Variants in FBXO4 observed in about 807,000 individuals in gnomAD.
FBXO4 encodes F-box protein 4, also known as F-box only protein 4.
Under a neutral mutation model 43.7 loss-of-function variants are expected in FBXO4, and 36 were observed. The observed-to-expected ratio is 0.82, with a 90% confidence interval of 0.63 to 1.09. The LOEUF (loss-of-function observed/expected upper bound fraction) is 1.09, where lower values mean the gene tolerates loss of function less well. FBXO4 is among the 50% of genes least tolerant of loss of function. FBXO4 has a pLI of 0.00. For missense variants in FBXO4, 435 were observed against 474.1 expected, an observed-to-expected ratio of 0.92 and a Z score of 0.77; for synonymous variants, 180 against 165.6, an observed-to-expected ratio of 1.09 and a Z score of -0.67.
downstream of FBXO4, among the ~76,000 whole-genome samples, chr5:41,944,788 G>C (rs568329363): frequency 2.0e-5 from 3 of 152,148 alleles, no homozygotes; most frequent in East Asian, 5.8e-4. Flanking sequence ...TGCTCTTTTA[G>C]CTAAGGTTAC....
chr5:42,022,022 G>T, the FBXO4 span, among the ~76,000 whole-genome samples: 1 of 152,216 alleles, frequency 6.6e-6, no homozygotes, highest in South Asian at 2.1e-4. Context: ...CATGGTCTGG[G>T]TTAATTTTGG....
chr5:42,039,746 A>G, the FBXO4 span, among the ~76,000 whole-genome samples: 106 of 152,214 alleles, frequency 7.0e-4, no homozygotes, highest in African/African-American at 2.4e-3. Context: ...GGTGAAAAGA[A>G]TTTTTCAGAT....
At chr5:41,981,097 T>C in the FBXO4 span, among the ~76,000 whole-genome samples, 4 of 152,114 alleles carry the variant, frequency 2.6e-5, no homozygotes. Flanking sequence ...TGAGTCATAG[T>C]CTATCATATG....
At chr5:41,976,056 T>G in the FBXO4 span, among the ~76,000 whole-genome samples, 1 of 152,098 alleles carries the variant, frequency 6.6e-6, no homozygotes, top group African/African-American at 2.4e-5. Context: ...AGATCTCACA[T>G]GAACTACCAG....
chr5:41,965,388 A>T, the FBXO4 span, among the ~76,000 whole-genome samples: 34 of 152,180 alleles, frequency 2.2e-4, no homozygotes, highest in Non-Finnish European at 8.8e-5. Context: ...GTTCCATATG[A>T]ACTTTAAAGT....
the FBXO4 span, among the ~76,000 whole-genome samples, chr5:42,003,473 T>C: frequency 6.6e-6 from 1 of 152,230 alleles, no homozygotes; most frequent in Non-Finnish European, 1.5e-5. Flanking sequence ...TCTAGCTAGC[T>C]TATTACCACA....
the FBXO4 span, among the ~76,000 whole-genome samples, chr5:41,961,345 T>C: frequency 6.6e-6 from 1 of 152,048 alleles, no homozygotes; most frequent in African/African-American, 2.4e-5. Context: ...TCACACTGGG[T>C]CTACTTTGCA....
chr5:41,974,547 A>G, the FBXO4 span, among the ~76,000 whole-genome samples: 1 of 151,786 alleles, frequency 6.6e-6, no homozygotes, highest in Non-Finnish European at 1.5e-5. Flanking sequence ...TCTACTAATG[A>G]CTCAGTTGAA....
chr5:41,998,465 C>T, the FBXO4 span, among the ~76,000 whole-genome samples: 1 of 152,282 alleles, frequency 6.6e-6, no homozygotes, highest in African/African-American at 2.4e-5. Flanking sequence ...TACATTAAAC[C>T]AAGGGAGATC....
At chr5:41,936,305 G>A (rs1751846462) in intron 5 of FBXO4, among the ~76,000 whole-genome samples, 1 of 152,164 alleles carries the variant, frequency 6.6e-6, no homozygotes, top group African/African-American at 2.4e-5. Context: ...GGCCAAGGCG[G>A]GCAGATTGCT....
At chr5:41,967,686 G>C in the FBXO4 span, 1 of 649,624 alleles carries the variant, frequency 1.5e-6, no homozygotes, top group Admixed American at 1.9e-5. Context: ...CGGAATACTG[G>C]TCCAGATACA....
the FBXO4 span, among the ~76,000 whole-genome samples, chr5:42,017,543 T>G: frequency 6.6e-6 from 1 of 152,026 alleles, no homozygotes; most frequent in Non-Finnish European, 1.5e-5. Context: ...TCCTGTTACT[T>G]AGGAATCAAG....
downstream of FBXO4, among the ~76,000 whole-genome samples, chr5:41,944,026 C>T (rs762568772): frequency 2.6e-5 from 4 of 152,292 alleles, no homozygotes; most frequent in Middle Eastern, 3.4e-3. Context: ...TCATCTTAAA[C>T]TTCTAGAGTC....
At chr5:41,989,360 C>A in the FBXO4 span, among the ~76,000 whole-genome samples, 1 of 151,904 alleles carries the variant, frequency 6.6e-6, no homozygotes, top group Non-Finnish European at 1.5e-5. Context: ...GCCAAAATAA[C>A]TATTAATTCA....
At chr5:41,984,395 G>T in the FBXO4 span, among the ~76,000 whole-genome samples, 2 of 152,288 alleles carry the variant, frequency 1.3e-5, no homozygotes, top group East Asian at 3.9e-4. Context: ...AAAAAGTGAT[G>T]TTAAATGTGG....
At chr5:42,018,348 T>C in the FBXO4 span, among the ~76,000 whole-genome samples, 3 of 151,924 alleles carry the variant, frequency 2.0e-5, no homozygotes, top group Non-Finnish European at 4.4e-5. Context: ...CAGTCATGAA[T>C]GGCACAGAAA....
the FBXO4 span, among the ~76,000 whole-genome samples, chr5:42,032,726 C>A: frequency 3.9e-5 from 6 of 152,276 alleles, no homozygotes; most frequent in African/African-American, 1.4e-4. Context: ...CTCTACCCCC[C>A]CGTGGCTGTG....
the FBXO4 span, among the ~76,000 whole-genome samples, chr5:42,012,063 A>C: frequency 6.6e-6 from 1 of 152,206 alleles, no homozygotes. Flanking sequence ...TAGGTTTCAG[A>C]AGAAAAGTTA....
the FBXO4 span, among the ~76,000 whole-genome samples, chr5:42,002,646 C>CT: frequency 2.8e-4 from 43 of 151,956 alleles, no homozygotes; most frequent in Non-Finnish European, 4.1e-4. Flanking sequence ...ACGTTTTTTC[C>CT]TTTTTGCTGC....
Sources: allele counts gnomAD v4.1 joint callset (sites outside exome capture counted in the v4.1 genomes callset), GRCh38; gene constraint gnomAD v4.1.1; transcripts MANE v1.5; gene names NCBI Gene and HGNC (gene_info 2026-07-23, HGNC 2026-07-21).